PDZRN4: variants seen among roughly 807,000 people sequenced by gnomAD.
PDZRN4 encodes PDZ domain containing ring finger 4, also known as PDZ domain-containing RING finger protein 4.
Under a neutral mutation model 99.0 loss-of-function variants are expected in PDZRN4, and 70 were observed. The observed-to-expected ratio is 0.71, with a 90% CI of 0.58 to 0.86. The LOEUF is 0.86. PDZRN4 is among the 40% of genes least tolerant of loss of function. PDZRN4 has a pLI of 0.00. For synonymous variants in PDZRN4, 551 were observed against 501.6 expected (o/e 1.10, Z -1.32); for missense variants, 1,474 against 1,331.2 (o/e 1.11, Z -1.67).
chr12:41,455,362 G>A (rs1237423084), intron 3 of PDZRN4, among the ~76,000 whole-genome samples: 1 of 152,114 alleles, frequency 6.6e-6, no homozygotes, highest in South Asian at 2.1e-4. Flanking sequence ...GAAAAAGATA[G>A]TCTTATCATT....
chr12:41,335,158 A>G (rs1182060573), intron 3 of PDZRN4, among the ~76,000 whole-genome samples: 1 of 149,932 alleles, frequency 6.7e-6, no homozygotes, highest in Non-Finnish European at 1.5e-5. Flanking sequence ...ATTCATTTAC[A>G]CATCTAAAGC....
At chr12:41,253,589 C>CA (rs1951185646) in intron 3 of PDZRN4, among the ~76,000 whole-genome samples, 1 of 152,142 alleles carries the variant, frequency 6.6e-6, no homozygotes, top group Admixed American at 6.5e-5. Context: ...GGAGGTTCCT[C>CA]AAAAAACTAA....
At chr12:41,230,274 AG>A (rs1407101445) in intron 3 of PDZRN4, among the ~76,000 whole-genome samples, 1 of 151,978 alleles carries the variant, frequency 6.6e-6, no homozygotes, top group Non-Finnish European at 1.5e-5. Flanking sequence ...TTTATATTAG[AG>A]GACACTTATA....
intron 3 of PDZRN4, among the ~76,000 whole-genome samples, chr12:41,456,215 C>G (rs2120518181): frequency 6.6e-6 from 1 of 152,318 alleles, no homozygotes; most frequent in Middle Eastern, 3.4e-3. Flanking sequence ...CCAGTTATAC[C>G]TTGCTCAGAG....
At chr12:41,250,080 A>G (rs575167636) in intron 3 of PDZRN4, among the ~76,000 whole-genome samples, 1 of 152,266 alleles carries the variant, frequency 6.6e-6, no homozygotes, top group African/African-American at 2.4e-5. Context: ...TGGGTATGGT[A>G]ACTTGCATAC....
chr12:41,210,015 C>T (rs1187438311), intron 3 of PDZRN4, among the ~76,000 whole-genome samples: 1 of 151,862 alleles, frequency 6.6e-6, no homozygotes, highest in African/African-American at 2.4e-5. Flanking sequence ...CCTGTTGTTT[C>T]CTGACTCTTT....
Position 41,265,777 on chromosome 12 carries a change from A to G in PDZRN4, c.843+71589A>G, listed in dbSNP as rs533433056. On this transcript the variant is annotated intron_variant, in intron 3 of 9. Coordinates refer to ENST00000402685, the MANE Select transcript of PDZRN4 (RefSeq NM_001164595.2). ...CTTAAATCAATGTATTGTAAAGGAT[A>G]CTATTATCAATTGCAAACCAGAATG... Among the ~76,000 whole-genome samples the G allele has an allele frequency of 2.6e-5, 4 of 152,330 alleles. 1 individual carries two copies. The South Asian group carries it at 6.2e-4, about 24-fold the overall frequency.
At chr12:41,225,205 C>T (rs1244105650) in intron 3 of PDZRN4, among the ~76,000 whole-genome samples, 2 of 151,988 alleles carry the variant, frequency 1.3e-5, no homozygotes, top group East Asian at 1.9e-4. Flanking sequence ...TGATTTTTTA[C>T]TGCCAGAATT....
intron 6 of PDZRN4, among the ~76,000 whole-genome samples, chr12:41,554,755 A>G (rs537892446): frequency 1.2e-4 from 18 of 152,208 alleles, no homozygotes; most frequent in African/African-American, 4.3e-4. Flanking sequence ...TAGTTAATAT[A>G]CTTTACCCCA....
At chr12:41,543,979 A>G (rs1938904684) in intron 5 of PDZRN4, among the ~76,000 whole-genome samples, 1 of 152,226 alleles carries the variant, frequency 6.6e-6, no homozygotes, top group South Asian at 2.1e-4. Context: ...AATAAATTTT[A>G]GGGTCATATT....
At position 41,563,601 on chromosome 12, in the gene PDZRN4, C is replaced by T. The variant is rs772211469; in HGVS notation, c.1419C>T (p.Asn473=). Residue 473 remains asparagine (N), a synonymous_variant, in exon 8 of 10, where the codon AAC becomes AAT. Transcript: ENST00000402685. ...NREEAVALLS[N]DECKRIVLLV... is the part of the protein sequence containing the mutation. The stretch of plus-strand genomic sequence containing the variant: ...AAGAAGCAGTGGCCTTGCTGTCTAA[C>T]GATGAGTGTAAGAGAATCGTGCTGC... The T allele has an allele frequency of 1.2e-6, 2 of 1,613,540 alleles. No individual in the cohort carries two copies. Among genetic ancestry groups the T allele is most frequent in the South Asian group, 1.1e-5 (1 of 91,044 alleles).
At chr12:41,190,091 C>G (rs1181142134) in intron 1 of PDZRN4, among the ~76,000 whole-genome samples, 1 of 152,192 alleles carries the variant, frequency 6.6e-6, no homozygotes, top group African/African-American at 2.4e-5. Context: ...AATTTGCGCA[C>G]CATTCAAGGA....
At chr12:41,278,435 G>A (rs78005334) in intron 3 of PDZRN4, among the ~76,000 whole-genome samples, 2 of 152,126 alleles carry the variant, frequency 1.3e-5, no homozygotes, top group Non-Finnish European at 2.9e-5. Context: ...AAATGAACAG[G>A]TTTATTGACT....
At chr12:41,535,144 C>T (rs909950718) in intron 5 of PDZRN4, among the ~76,000 whole-genome samples, 5 of 152,158 alleles carry the variant, frequency 3.3e-5, no homozygotes, top group Non-Finnish European at 7.3e-5. Flanking sequence ...AATCCCTTCT[C>T]ATATTTCTTC....
At chr12:41,311,097 A>G (rs796597839) in intron 3 of PDZRN4, among the ~76,000 whole-genome samples, 56 of 152,322 alleles carry the variant, frequency 3.7e-4, no homozygotes, top group African/African-American at 1.3e-3. Context: ...GAAAGCATTA[A>G]ATAATTTGAT....
intron 3 of PDZRN4, among the ~76,000 whole-genome samples, chr12:41,320,996 T>G (rs1442764045): frequency 6.6e-6 from 1 of 152,176 alleles, no homozygotes; most frequent in East Asian, 1.9e-4. Context: ...AAAATATAAT[T>G]AGATATTACA....
intron 6 of PDZRN4, among the ~76,000 whole-genome samples, chr12:41,553,111 T>C (rs1939086658): frequency 6.6e-6 from 1 of 152,228 alleles, no homozygotes; most frequent in African/African-American, 2.4e-5. Context: ...ATGAGTTCTA[T>C]TAACAGTAGC....
intron 3 of PDZRN4, among the ~76,000 whole-genome samples, chr12:41,262,913 C>G (rs12310793): frequency 6.6e-6 from 1 of 151,790 alleles, no homozygotes; most frequent in Admixed American, 6.6e-5. Context: ...ATTAAGTTAC[C>G]ATTTTTAGCC....
At chr12:41,461,712 C>T (rs1011402705) in intron 3 of PDZRN4, among the ~76,000 whole-genome samples, 1 of 152,096 alleles carries the variant, frequency 6.6e-6, no homozygotes, top group Non-Finnish European at 1.5e-5. Flanking sequence ...CCTTTAGACC[C>T]AATTGAAATG....
Sources: allele counts gnomAD v4.1 joint callset (sites outside exome capture counted in the v4.1 genomes callset), GRCh38; gene constraint gnomAD v4.1.1; transcripts MANE v1.5; gene names NCBI Gene and HGNC (gene_info 2026-07-23, HGNC 2026-07-21).